Variants in JAKMIP1 observed in about 807,000 individuals in gnomAD.
JAKMIP1 encodes the protein janus kinase and microtubule-interacting protein 1.
In JAKMIP1, 33 loss-of-function variants were observed where a neutral mutation model predicts 113.0. The ratio of observed to expected loss-of-function variants is 0.29; its 90% CI spans 0.22 to 0.39. The LOEUF (loss-of-function observed/expected upper bound fraction) is 0.39, where lower values mean the gene tolerates loss of function less well. Among genes scored for constraint, JAKMIP1 ranks in the 10% least tolerant of loss-of-function variants. JAKMIP1 has a pLI of 1.00. For missense variants in JAKMIP1, 813 were observed against 1,080.5 expected (o/e 0.75, Z 3.47); for synonymous variants, 480 against 459.9 (o/e 1.04, Z -0.56).
At chr4:6,171,501 C>A (rs1346358906) in intron 1 of JAKMIP1, among the ~76,000 whole-genome samples, 2 of 152,180 alleles carry the variant, frequency 1.3e-5, no homozygotes, top group African/African-American at 2.4e-5. Flanking sequence ...CAATGTGTGT[C>A]CAGCCATCAA....
chr4:6,145,189 G>C (rs530010673), intron 1 of JAKMIP1, among the ~76,000 whole-genome samples: 2 of 152,252 alleles, frequency 1.3e-5, no homozygotes, highest in Middle Eastern at 6.8e-3. Flanking sequence ...ATAATGAATC[G>C]TAGAAACAGC....
At position 6,140,125 on chromosome 4, in the gene JAKMIP1, T is replaced by G. The variant is rs1719900005; in HGVS notation, c.-147-27128A>C. Among the ~76,000 whole-genome samples the G allele has an allele frequency of 6.6e-6, 1 of 152,176 alleles. No homozygotes were observed. Among genetic ancestry groups the G allele is most frequent in the African/African-American group, 2.4e-5 (1 of 41,418 alleles). On this transcript the variant is annotated intron_variant, in intron 1 of 20. Coordinates refer to ENST00000409021, the MANE Select transcript of JAKMIP1 (RefSeq NM_001099433.2). The surrounding 1 kb of genome is among the most constrained non-coding windows in gnomAD (Gnocchi z 9.4). ...TACTGAGAATAGCTATGAACTATTG[T>G]CCCAGTTTTTTGGAGACCAATTTCA...
intron 3 of JAKMIP1, among the ~76,000 whole-genome samples, chr4:6,096,033 C>G (rs975927978): frequency 6.6e-6 from 1 of 152,212 alleles, no homozygotes; most frequent in African/African-American, 2.4e-5. Context: ...ACAAGGGACA[C>G]TGAGGTGGGA....
At chr4:6,173,216 T>G (rs1241702445) in intron 1 of JAKMIP1, among the ~76,000 whole-genome samples, 3 of 152,314 alleles carry the variant, frequency 2.0e-5, no homozygotes, top group East Asian at 3.9e-4. Context: ...GTCCTTAGTC[T>G]TTTCTCTAAT....
At position 6,180,435 on chromosome 4, in the gene JAKMIP1, G is replaced by A. The variant is rs1304099465; in HGVS notation, c.-148+19818C>T. Reference sequence around the variant, plus strand: ...CTGCTGAACAGGAGAGAAACTTGGAGGTGAGGATAGGCAATGGGGACCGAT... The same window carrying A: ...CTGCTGAACAGGAGAGAAACTTGGAAGTGAGGATAGGCAATGGGGACCGAT... On this transcript the variant is annotated intron_variant, in intron 1 of 20. Coordinates refer to ENST00000409021, the MANE Select transcript of JAKMIP1 (RefSeq NM_001099433.2). This position sits in a 1 kb window ranked among gnomAD's most constrained non-coding sequence, Gnocchi z 4.5. Among the ~76,000 whole-genome samples, 2 of 152,170 alleles carry A rather than the reference G, an allele frequency of 1.3e-5. No individual in the cohort carries two copies. The highest frequency in any genetic ancestry group is 2.9e-5 in the Non-Finnish European group (2 of 68,038).
chr4:6,177,439 T>G (rs924396961), intron 1 of JAKMIP1, among the ~76,000 whole-genome samples: 9 of 152,182 alleles, frequency 5.9e-5, no homozygotes, highest in African/African-American at 2.2e-4. Flanking sequence ...CATCATCACC[T>G]ACTCCAACAA....
rs1717325522 is a variant in JAKMIP1, at chr4:6,061,836, C to T, written c.1560+476G>A. Reference sequence around the variant, plus strand: ...GGATGGAAGTTTCCAGAAGGCAGAGCTCAGCCTAGCCTGAGGAATGGCGTG... The same window carrying T: ...GGATGGAAGTTTCCAGAAGGCAGAGTTCAGCCTAGCCTGAGGAATGGCGTG... On this transcript the variant is annotated intron_variant, in intron 10 of 20. Transcript: ENST00000409021. This position sits in a 1 kb window ranked among gnomAD's most constrained non-coding sequence, Gnocchi z 5.3. Among the ~76,000 whole-genome samples the T allele has an allele frequency of 6.6e-6, 1 of 152,158 alleles. No homozygotes were observed.
At position 6,168,018 on chromosome 4, in the gene JAKMIP1, GC is replaced by G. The variant is rs780529103; in HGVS notation, c.-148+32234del. Among the ~76,000 whole-genome samples, 5 of 152,120 alleles carry G rather than the reference GC, an allele frequency of 3.3e-5. No individual in the cohort carries two copies. The highest frequency in any genetic ancestry group is 7.4e-5 in the Non-Finnish European group (5 of 68,026). On this transcript the variant is annotated intron_variant, in intron 1 of 20. Coordinates refer to ENST00000409021, the MANE Select transcript of JAKMIP1 (RefSeq NM_001099433.2). The surrounding 1 kb of genome is among the most constrained non-coding windows in gnomAD (Gnocchi z 4.6). ...GTTCAACAGGGAAGACACACAAATGGCCAAGGAGCACCTGAAGAGACGCTCA... is the reference window on the plus strand; with the variant it reads ...GTTCAACAGGGAAGACACACAAATGGCAAGGAGCACCTGAAGAGACGCTCA...
At chr4:6,146,227 G>T (rs1414986132) in intron 1 of JAKMIP1, among the ~76,000 whole-genome samples, 1 of 42,704 alleles carries the variant, frequency 2.3e-5, no homozygotes, top group Non-Finnish European at 1.0e-4. Context: ...GCTGCCAGGG[G>T]CTGGGGGGAG....
At chr4:6,148,556 A>T (rs776199922) in intron 1 of JAKMIP1, among the ~76,000 whole-genome samples, 1 of 152,198 alleles carries the variant, frequency 6.6e-6, no homozygotes, top group African/African-American at 2.4e-5. Flanking sequence ...GCAGGAGCCA[A>T]TTTCTTTCAC....
intron 5 of JAKMIP1, among the ~76,000 whole-genome samples, chr4:6,082,806 A>G (rs1720774931): frequency 6.6e-6 from 1 of 152,178 alleles, no homozygotes; most frequent in Non-Finnish European, 1.5e-5. Context: ...AGAAATCCAG[A>G]AAGCGGCAAC....
At chr4:6,166,913 C>T (rs1723707996) in intron 1 of JAKMIP1, among the ~76,000 whole-genome samples, 1 of 152,144 alleles carries the variant, frequency 6.6e-6, no homozygotes, top group African/African-American at 2.4e-5. Flanking sequence ...ACCTCTTCAC[C>T]CCCAACTTCC....
Position 6,029,707 on chromosome 4 carries a change from G to C in JAKMIP1, c.2445+9C>G, listed in dbSNP as rs1712341357. ...AAACCTGGGGACAGTCTGAGCTGCA[G>C]TCACCTACCTTTTCCTCCAGTTCTT... On this transcript the variant is annotated intron_variant, in intron 20 of 20. Transcript: ENST00000409021. 6.3e-7 allele frequency: 1 copy of C among 1,584,862 alleles called. No individual in the cohort carries two copies. The highest frequency in any genetic ancestry group is 8.6e-7 in the Non-Finnish European group (1 of 1,160,036).
chr4:6,042,159 C>T lies in JAKMIP1; in HGVS notation c.2097G>A (p.Lys699=). 11 of 1,613,472 alleles carry T rather than the reference C, an allele frequency of 6.8e-6. No individual in the cohort carries two copies. The highest frequency in any genetic ancestry group is 9.3e-6 in the Non-Finnish European group (11 of 1,179,498). The change falls in exon 17 of 21, where the codon AAG becomes AAA. Residue 699 remains lysine, a splice_region_variant and synonymous_variant. Transcript: ENST00000409021. The surrounding 1 kb of genome is among the most constrained non-coding windows in gnomAD (Gnocchi z 5.2). ...ACCCCCAGGCAGTCAAATCTTTTAC[C>T]TTCTCCTTCTCCAGGTCCAGCATCT... ...TQKMLDLEKE[K]DLFSRQKGYL... is the part of the protein sequence containing the mutation.
intron 1 of JAKMIP1, among the ~76,000 whole-genome samples, chr4:6,144,029 G>A (rs185013932): frequency 7.2e-4 from 110 of 152,318 alleles, no homozygotes; most frequent in African/African-American, 2.3e-3. Context: ...CTGGCATGGG[G>A]AGGAGGCTCA....
rs528163403 is a variant in JAKMIP1, at chr4:6,169,059, G to T, written c.-148+31194C>A. ...GCTCTGCAATTAGATAGTGATGATGGTTGCATAACACTGTGAATATATTAA... is the reference window on the plus strand; with the variant it reads ...GCTCTGCAATTAGATAGTGATGATGTTTGCATAACACTGTGAATATATTAA... On this transcript the variant is annotated intron_variant, in intron 1 of 20. Transcript: ENST00000409021. Among the ~76,000 whole-genome samples the T allele has an allele frequency of 2.1e-4, 32 of 152,296 alleles. No homozygotes were observed. In the South Asian group the frequency reaches 6.4e-3, roughly 31 times the overall value.
Position 6,194,988 on chromosome 4 carries a change from G to A in JAKMIP1, c.-148+5265C>T, listed in dbSNP as rs548574361. Among the ~76,000 whole-genome samples, 37 of 152,326 alleles carry A rather than the reference G, an allele frequency of 2.4e-4. No homozygotes were observed. The highest frequency in any genetic ancestry group is 2.3e-3 in the Admixed American group (35 of 15,300). ...AAAGGGACCCGCCACTGCAGCTGCT[G>A]TCCACGGCGTGATCCTAGACTAGGC... On this transcript the variant is annotated intron_variant, in intron 1 of 20. Transcript: ENST00000409021. The surrounding 1 kb of genome is among the most constrained non-coding windows in gnomAD (Gnocchi z 7.4).
At chr4:6,041,896 C>T (rs1383669454) in intron 17 of JAKMIP1, among the ~76,000 whole-genome samples, 2 of 152,190 alleles carry the variant, frequency 1.3e-5, no homozygotes, top group East Asian at 3.9e-4. Context: ...GCAGGGACCC[C>T]ACTTATTCAT....
At chr4:6,037,113 C>T (rs956926217) in intron 18 of JAKMIP1, among the ~76,000 whole-genome samples, 11 of 147,316 alleles carry the variant, frequency 7.5e-5, no homozygotes, top group African/African-American at 2.6e-4. Flanking sequence ...AGAGGCTAAC[C>T]GGTATCCCTC....
Sources: gnomAD v4.1 joint callset for allele counts (sites outside exome capture counted in the v4.1 genomes callset) on GRCh38, gnomAD v4.1.1 for gene constraint, Gnocchi (gnomAD v3.1) non-coding constraint, MANE v1.5 for transcripts, NCBI Gene and HGNC (gene_info 2026-07-23, HGNC 2026-07-21) for gene names.